Variants in LRRK2 observed in about 807,000 individuals in gnomAD.
LRRK2 encodes the protein leucine rich repeat kinase 2.
A neutral mutation model predicts 302.6 loss-of-function variants in LRRK2; 203 were observed. That is an observed-to-expected ratio of 0.67 (90% CI 0.60 to 0.75). LRRK2 has a LOEUF of 0.75. Among genes scored for constraint, LRRK2 ranks in the 30% least tolerant of loss-of-function variants. The pLI is 0.00. For synonymous variants in LRRK2, 1,066 were observed against 1,031.9 expected, an observed-to-expected ratio of 1.03 and a Z score of -0.63; for missense variants, 2,830 against 2,951.0, an observed-to-expected ratio of 0.96 and a Z score of 0.95.
chr12:40,291,173 G>A (rs1442395752), intron 20 of LRRK2, among the ~76,000 whole-genome samples: 1 of 151,582 alleles, frequency 6.6e-6, no homozygotes, highest in Non-Finnish European at 1.5e-5. Context: ...GCAAACTATT[G>A]CAAGGACAAA....
chr12:40,232,343 C>A lies in LRRK2; in HGVS notation c.307C>A (p.Gln103Lys), dbSNP rs201906467. ...PGTMQSLMGPQDVGNDWEVLG... is the reference protein window; with the variant it reads ...PGTMQSLMGPKDVGNDWEVLG... ...TACAATGCAAAGCTTAATGGGACCC[C>A]AGGATGTTGGAAATGATTGGGAAGT... Residue 103 changes from glutamine to lysine, a missense_variant, in exon 3 of 51, where the codon CAG (glutamine) becomes AAG (lysine). By Grantham distance (53) the Gln-to-Lys change is moderately conservative (BLOSUM62 1). Transcript: ENST00000298910. The A allele has an allele frequency of 1.2e-6, 2 of 1,614,012 alleles. No homozygotes were observed. The highest frequency in any genetic ancestry group is 1.7e-6 in the Non-Finnish European group (2 of 1,179,984).
At chr12:40,360,433 C>T (rs1039514921) in intron 47 of LRRK2, among the ~76,000 whole-genome samples, 1 of 152,034 alleles carries the variant, frequency 6.6e-6, no homozygotes, top group South Asian at 2.1e-4. Flanking sequence ...ACTTGACCCT[C>T]CTAATTGTCA....
rs1946937308 is a variant in LRRK2 at position 40,368,269 on chromosome 12, A to G, written c.*504A>G. 6.6e-6 allele frequency: 1 copy of G among 152,042 alleles called. No individual in the cohort carries two copies. Among genetic ancestry groups the G allele is most frequent in the Non-Finnish European group, 1.5e-5 (1 of 67,868 alleles). The allele number at this position is 152,042 out of a possible 1,614,324, so 9.4% of individuals were successfully genotyped here. A position where few individuals can be genotyped will look rare whatever the true frequency, so the allele number is the denominator to read the frequency against. ...TATATGCTTGTAAATATTCAAATGA[A>G]TTTGCACTAATAAAGTCCTTTGTTG... On this transcript the variant is annotated 3_prime_UTR_variant, in exon 51 of 51. Coordinates refer to ENST00000298910, the MANE Select transcript of LRRK2 (RefSeq NM_198578.4).
At chr12:40,307,870 C>A (rs1230843932) in intron 28 of LRRK2, among the ~76,000 whole-genome samples, 5 of 150,460 alleles carry the variant, frequency 3.3e-5, no homozygotes, top group Non-Finnish European at 5.9e-5. Context: ...CAACCTCTGC[C>A]TCTTGGCTTC....
At position 40,340,366 on chromosome 12, in the gene LRRK2, C is replaced by T. The variant is rs745849618; in HGVS notation, c.6021C>T (p.Pro2007=). The change falls in exon 41 of 51, where the codon CCC becomes CCT. Residue 2007 remains proline, a synonymous_variant. Transcript: ENST00000298910. ...PHNVLLFTLY[P]NAAIIAKIAD... ...ATGTGCTGCTTTTCACACTGTATCCCAATGCTGCCATCATTGCAAAGATTG... is the reference window on the plus strand; with the variant it reads ...ATGTGCTGCTTTTCACACTGTATCCTAATGCTGCCATCATTGCAAAGATTG... 2 of 1,613,664 alleles carry T rather than the reference C, an allele frequency of 1.2e-6. No individual in the cohort carries two copies. Among genetic ancestry groups the T allele is most frequent in the Non-Finnish European group, 1.7e-6 (2 of 1,179,832 alleles).
At chr12:40,231,806 T>C (rs533489030) in intron 2 of LRRK2, among the ~76,000 whole-genome samples, 3 of 147,328 alleles carry the variant, frequency 2.0e-5, no homozygotes, top group African/African-American at 4.9e-5. Flanking sequence ...TATATATATA[T>C]AATATATATA....
chr12:40,277,897 A>T lies in LRRK2; in HGVS notation c.1951A>T (p.Thr651Ser). The change falls in exon 17 of 51, where the codon ACA becomes TCA. Residue 651 changes from threonine to serine, a missense_variant. Coordinates refer to ENST00000298910, the MANE Select transcript of LRRK2 (RefSeq NM_198578.4). Reference protein sequence around the residue: ...VAEIQTKGFQTILAILKLSAS... With the variant: ...VAEIQTKGFQSILAILKLSAS... ...TTTCTTATACTTTTAGGGATTTCAG[A>T]CAATCTTAGCAATCCTCAAATTGTC... 1 of 1,608,330 alleles carries T rather than the reference A, an allele frequency of 6.2e-7. No homozygotes were observed.
rs745971400 is a variant in LRRK2, at chr12:40,257,363, T to A, written c.1404T>A (p.His468Gln). Residue 468 changes from histidine to glutamine, a missense_variant, in exon 12 of 51, where the codon CAT becomes CAA. Coordinates refer to ENST00000298910, the MANE Select transcript of LRRK2 (RefSeq NM_198578.4). ...AAAGTGGCTGTAAAATGCTAAATCA[T>A]CTTTTTGAAGGAAGGTAATATAGAT... ...VAESGCKMLN[H>Q]LFEGSNTSLD... The A allele has an allele frequency of 1.2e-6, 2 of 1,612,808 alleles. No individual in the cohort carries two copies. Among genetic ancestry groups the A allele is most frequent in the South Asian group, 1.1e-5 (1 of 91,066 alleles).
At chr12:40,255,265 T>C (rs192792385) in intron 11 of LRRK2, among the ~76,000 whole-genome samples, 1 of 152,178 alleles carries the variant, frequency 6.6e-6, no homozygotes, top group Non-Finnish European at 1.5e-5. Context: ...GAATATGATA[T>C]GTTAGACATC....
intron 22 of LRRK2, among the ~76,000 whole-genome samples, 155 bp from the exon 23 acceptor site, chr12:40,295,272 C>G (rs1326373089): frequency 6.6e-6 from 1 of 151,944 alleles, no homozygotes; most frequent in Non-Finnish European, 1.5e-5. Flanking sequence ...CTGTTCATCT[C>G]TGCCACTGGA....
intron 19 of LRRK2, among the ~76,000 whole-genome samples, chr12:40,284,858 T>C (rs1040188594): frequency 6.6e-6 from 1 of 152,092 alleles, no homozygotes; most frequent in Non-Finnish European, 1.5e-5. Context: ...GCAAGTAACA[T>C]GTTTGCTTCT....
chr12:40,363,869 T>C (rs1357755744), intron 48 of LRRK2, among the ~76,000 whole-genome samples: 1 of 152,054 alleles, frequency 6.6e-6, no homozygotes, highest in East Asian at 1.9e-4. Flanking sequence ...TGTCACAGTG[T>C]CAAATATACT....
chr12:40,279,248 C>T (rs1029177518), intron 18 of LRRK2, among the ~76,000 whole-genome samples: 1 of 108,782 alleles, frequency 9.2e-6, no homozygotes, highest in Admixed American at 8.4e-5. Flanking sequence ...ATTTAATATC[C>T]CTACTGTATT....
At chr12:40,328,544 G>A in intron 39 of LRRK2, 84 bp downstream of exon 39, 1 of 1,010,218 alleles carries the variant, frequency 9.9e-7, no homozygotes, top group Non-Finnish European at 1.5e-6. Flanking sequence ...TTGTGAAAAT[G>A]CAAAATAATG....
rs73263859 is a variant in LRRK2, at chr12:40,267,397, G to A, written c.1656+3496G>A. On this transcript the variant is annotated intron_variant, in intron 14 of 50. Coordinates refer to ENST00000298910, the MANE Select transcript of LRRK2 (RefSeq NM_198578.4). ...AGCATTGTGAACATAGTTTAAGTAC[G>A]TAGAGGAGGGAACAGTTAAGTTTAT... is the stretch of plus-strand genomic sequence containing the variant. 7.8e-3 allele frequency among the ~76,000 whole-genome samples: 1,188 copies of A among 152,306 alleles called. 20 individuals are homozygous for A. Among genetic ancestry groups the A allele is most frequent in the African/African-American group, 0.026 (1,093 of 41,564 alleles).
At chr12:40,306,232 A>G (rs927026437) in intron 28 of LRRK2, among the ~76,000 whole-genome samples, 1 of 152,292 alleles carries the variant, frequency 6.6e-6, no homozygotes, top group South Asian at 2.1e-4. Context: ...ACTCTAAAAG[A>G]AAATAAGTAT....
intron 27 of LRRK2, chr12:40,304,519 A>G: frequency 4.8e-6 from 1 of 209,398 alleles, no homozygotes; most frequent in Admixed American, 5.5e-5. Context: ...AAATTATTAG[A>G]ATATTCATTT....
intron 11 of LRRK2, among the ~76,000 whole-genome samples, chr12:40,253,224 T>C (rs1239690878): frequency 6.6e-6 from 1 of 152,158 alleles, no homozygotes; most frequent in Non-Finnish European, 1.5e-5. Flanking sequence ...TTGTATATTT[T>C]TCCGGACTTC....
intron 11 of LRRK2, among the ~76,000 whole-genome samples, chr12:40,254,510 T>TA (rs1222695497): frequency 6.6e-6 from 1 of 152,146 alleles, no homozygotes; most frequent in Non-Finnish European, 1.5e-5. Context: ...ACTGTGCAGT[T>TA]AAAGAGGTCT....
Sources: allele counts gnomAD v4.1 joint callset (sites outside exome capture counted in the v4.1 genomes callset), GRCh38; gene constraint gnomAD v4.1.1; transcripts MANE v1.5; gene names NCBI Gene and HGNC (gene_info 2026-07-23, HGNC 2026-07-21).